The following CD8B2 variants were observed in gnomAD, a reference collection of about 807,000 sequenced individuals.
The protein encoded by CD8B2 is T-cell surface glycoprotein CD8 beta-2 chain.
A neutral mutation model predicts 23.7 loss-of-function variants in CD8B2; 11 were observed. The observed-to-expected ratio is 0.46, with a 90% CI of 0.29 to 0.77. CD8B2 has a LOEUF of 0.77. Ranked by LOEUF, CD8B2 falls within the 30% of genes least tolerant of loss-of-function variation. CD8B2 has a pLI of 0.09. For missense variants in CD8B2, 197 were observed against 270.5 expected (o/e 0.73, Z 1.91); for synonymous variants, 90 against 109.3 (o/e 0.82, Z 1.10).
intron 5 of CD8B2, among the ~76,000 whole-genome samples, chr2:106,543,444 T>G (rs1053962585): frequency 6.6e-6 from 1 of 152,152 alleles, no homozygotes; most frequent in Non-Finnish European, 1.5e-5. Context: ...GATTGGAGGA[T>G]TGCTTGAACC....
chr2:106,490,932 C>T lies in CD8B2; in HGVS notation c.102C>T (p.Asn34=), dbSNP rs1172298239. 3 of 1,612,812 alleles carry T rather than the reference C, an allele frequency of 1.9e-6. No individual in the cohort carries two copies. The highest frequency in any genetic ancestry group is 2.2e-5 in the East Asian group (1 of 44,884). Residue 34 remains asparagine (N), a synonymous_variant, in exon 2 of 6, where the codon AAC becomes AAT. Coordinates refer to ENST00000643224, the MANE Select transcript of CD8B2 (RefSeq NM_001349727.2). ...CTGCATACATAAAGGTGCAAACCAA[C>T]AAGATGGTGATGCTGTCCTGCGAGG... ...QTPAYIKVQT[N]KMVMLSCEAK... is the part of the protein sequence containing the mutation.
intron 5 of CD8B2, among the ~76,000 whole-genome samples, chr2:106,526,726 C>T (rs994313913): frequency 2.0e-5 from 3 of 151,940 alleles, no homozygotes; most frequent in Non-Finnish European, 2.9e-5. Context: ...TCTCGGCTCA[C>T]TGCAACCTCT....
At chr2:106,517,303 C>A (rs1426125561) in intron 5 of CD8B2, among the ~76,000 whole-genome samples, 1 of 152,008 alleles carries the variant, frequency 6.6e-6, no homozygotes, top group African/African-American at 2.4e-5. Context: ...CCTCTCTATT[C>A]GGGACCCCAT....
intron 5 of CD8B2, among the ~76,000 whole-genome samples, chr2:106,530,227 G>A (rs1393654387): frequency 6.6e-6 from 1 of 152,204 alleles, no homozygotes; most frequent in African/African-American, 2.4e-5. Flanking sequence ...GATCTTGAGG[G>A]CGCAAACCTT....
chr2:106,535,310 T>G (rs976591847), intron 5 of CD8B2: 8 of 152,054 alleles, frequency 5.3e-5, no homozygotes, highest in Non-Finnish European at 1.2e-4. Context: ...CTGCAGACAC[T>G]CATTTCCAGG....
chr2:106,512,169 C>G (rs75199096), downstream of CD8B2, among the ~76,000 whole-genome samples: 6,781 of 152,028 alleles, frequency 0.045, 209 homozygotes, highest in African/African-American at 0.083. Flanking sequence ...TCTGTCTCCC[C>G]GGCTCAAGCG....
downstream of CD8B2, among the ~76,000 whole-genome samples, chr2:106,511,924 C>T (rs1279760227): frequency 3.3e-5 from 5 of 152,192 alleles, no homozygotes; most frequent in African/African-American, 4.8e-5. Flanking sequence ...AAAGCAGAGG[C>T]GCTGAAAAAG....
rs878948053 is a variant in CD8B2, at chr2:106,496,198, G to A, written c.429G>A (p.Gln143=). ...SVVDFLPTTA[Q]PTKKSTLKKR... is the part of the protein sequence containing the mutation. ...TTGATTTCCTTCCCACCACTGCCCA[G>A]CCCACCAAGAAGTCCACCCTCAAGA... The change falls in exon 3 of 6, where the codon CAG becomes CAA. Residue 143 remains glutamine, a synonymous_variant. Transcript: ENST00000643224. The A allele has an allele frequency of 1.0e-4, 156 of 1,544,522 alleles. 2 individuals carry two copies. In the South Asian group the frequency reaches 1.2e-3, roughly 12 times the overall value.
intron 5 of CD8B2, among the ~76,000 whole-genome samples, chr2:106,542,198 C>T (rs1220951497): frequency 6.6e-6 from 1 of 152,242 alleles, no homozygotes; most frequent in Admixed American, 6.5e-5. Flanking sequence ...GTCTCCGTCT[C>T]TGTTGTCTGC....
downstream of CD8B2, among the ~76,000 whole-genome samples, chr2:106,513,440 G>C (rs1266962437): frequency 6.6e-6 from 1 of 151,776 alleles, no homozygotes; most frequent in East Asian, 2.0e-4. Context: ...GCCAACACAA[G>C]CAGAGGGCAT....
intron 5 of CD8B2, among the ~76,000 whole-genome samples, chr2:106,528,080 G>T (rs192487474): frequency 6.6e-6 from 1 of 152,298 alleles, no homozygotes; most frequent in African/African-American, 2.4e-5. Flanking sequence ...ATCACCGACT[G>T]GGGGGCCCCT....
chr2:106,496,379 C>T (rs1323688008), intron 3 of CD8B2, 117 bp downstream of exon 3: 9 of 1,461,366 alleles, frequency 6.2e-6, no homozygotes, highest in African/African-American at 5.8e-5. Flanking sequence ...AGCCTATCTC[C>T]CCAGCCCAAG....
chr2:106,515,681 C>T (rs1211838284), downstream of CD8B2, among the ~76,000 whole-genome samples: 1 of 152,070 alleles, frequency 6.6e-6, no homozygotes, highest in Middle Eastern at 3.2e-3. Flanking sequence ...TTATAGTGAC[C>T]CAAACAGACT....
At chr2:106,527,343 G>C (rs1477833602) in intron 5 of CD8B2, among the ~76,000 whole-genome samples, 1 of 152,218 alleles carries the variant, frequency 6.6e-6, no homozygotes, top group Non-Finnish European at 1.5e-5. Context: ...CTGGTCGCAG[G>C]TTCCTGCAAC....
chr2:106,499,016 T>A (rs1406979114), intron 3 of CD8B2, among the ~76,000 whole-genome samples: 1 of 151,934 alleles, frequency 6.6e-6, no homozygotes, highest in Non-Finnish European at 1.5e-5. Context: ...GCTGGGGGTG[T>A]CATTGGTGTG....
At chr2:106,517,944 G>T (rs1053292043) in intron 5 of CD8B2, among the ~76,000 whole-genome samples, 3 of 152,118 alleles carry the variant, frequency 2.0e-5, no homozygotes, top group Non-Finnish European at 4.4e-5. Flanking sequence ...TCGATCTCCT[G>T]ACCTCGTGAT....
intron 5 of CD8B2, among the ~76,000 whole-genome samples, chr2:106,528,711 A>C (rs1679949307): frequency 6.6e-6 from 1 of 152,246 alleles, no homozygotes; most frequent in African/African-American, 2.4e-5. Flanking sequence ...TTGTATCAAT[A>C]AACTGTGTGG....
At chr2:106,492,312 G>A (rs894861049) in intron 2 of CD8B2, among the ~76,000 whole-genome samples, 32 of 152,096 alleles carry the variant, frequency 2.1e-4, no homozygotes, top group African/African-American at 7.0e-4. Context: ...TAAATTTAAA[G>A]TCATGTTTAA....
At chr2:106,498,346 C>G (rs1679338491) in intron 3 of CD8B2, among the ~76,000 whole-genome samples, 2 of 152,152 alleles carry the variant, frequency 1.3e-5, no homozygotes, top group South Asian at 4.2e-4. Context: ...CAGGGTTTCA[C>G]CATGTTGGCC....
Sources: gnomAD v4.1 joint callset for allele counts (sites outside exome capture counted in the v4.1 genomes callset) on GRCh38, gnomAD v4.1.1 for gene constraint, MANE v1.5 for transcripts, NCBI Gene and HGNC (gene_info 2026-07-23, HGNC 2026-07-21) for gene names.